Variants in KCNK2 observed in about 807,000 individuals in gnomAD.
KCNK2 encodes potassium channel subfamily K member 2.
A neutral mutation model predicts 40.5 loss-of-function variants in KCNK2; 21 were observed. The ratio of observed to expected loss-of-function variants is 0.52; its 90% CI spans 0.37 to 0.75. The LOEUF (loss-of-function observed/expected upper bound fraction) is 0.75. Ranked by LOEUF, KCNK2 falls within the 30% of genes least tolerant of loss-of-function variation. KCNK2 has a pLI of 0.00. For synonymous variants in KCNK2, 191 were observed against 202.2 expected, an observed-to-expected ratio of 0.94 and a Z score of 0.47; for missense variants, 399 against 531.6, an observed-to-expected ratio of 0.75 and a Z score of 2.45.
intron 6 of KCNK2, among the ~76,000 whole-genome samples, chr1:215,199,467 A>G (rs1664995460): frequency 6.6e-6 from 1 of 152,260 alleles, no homozygotes; most frequent in African/African-American, 2.4e-5. Context: ...TTGTTGAAAC[A>G]TACTATATAT....
At chr1:215,084,221 C>CTT (rs71167806) in intron 1 of KCNK2, among the ~76,000 whole-genome samples, 78,881 of 145,298 alleles carry the variant, frequency 0.54, 22,532 homozygotes, top group South Asian at 0.83. Flanking sequence ...CACACACACT[C>CTT]TTAAAAATAC....
rs775390306 is a variant in KCNK2 at position 215,230,502 on chromosome 1, C to T, written c.964-4326C>T. On this transcript the variant is annotated intron_variant, in intron 6 of 6. Transcript: ENST00000444842. ...ATACACACACACACACACACACACA[C>T]GGCTGTATATATATATATATATATA... 5.0e-3 allele frequency among the ~76,000 whole-genome samples: 418 copies of T among 82,830 alleles called. 2 individuals are homozygous for T. The highest frequency in any genetic ancestry group is 7.0e-3 in the Admixed American group (47 of 6,676). 54.3% of individuals were successfully genotyped at this position (82,830 alleles called of 152,430 possible).
At chr1:215,115,485 C>T (rs575809202) in intron 2 of KCNK2, among the ~76,000 whole-genome samples, 4 of 152,178 alleles carry the variant, frequency 2.6e-5, no homozygotes, top group Admixed American at 6.6e-5. Flanking sequence ...TAGTGTAGCA[C>T]GCCTTGGGCA....
Position 215,153,771 on chromosome 1 carries a change from T to A in KCNK2, c.476-15428T>A, listed in dbSNP as rs61818338. On this transcript the variant is annotated intron_variant, in intron 3 of 6. Transcript: ENST00000444842. The stretch of plus-strand genomic sequence containing the variant: ...TCACTCCCCACCCTCCAACAGGCCC[T>A]GGTGTGTGCTGTTCCCCTCCCCGTG... Among the ~76,000 whole-genome samples the A allele has an allele frequency of 9.6e-3, 1,463 of 151,740 alleles. 23 individuals are homozygous for A. The highest frequency in any genetic ancestry group is 0.06 in the South Asian group (289 of 4,780).
intron 1 of KCNK2, among the ~76,000 whole-genome samples, chr1:215,058,774 A>T (rs563377675): frequency 6.6e-6 from 1 of 151,848 alleles, no homozygotes; most frequent in African/African-American, 2.4e-5. Context: ...GTTTTTCTCT[A>T]TGTTTCTTGA....
At chr1:215,134,362 C>T (rs12134808) in intron 3 of KCNK2, among the ~76,000 whole-genome samples, 12,517 of 152,170 alleles carry the variant, frequency 0.082, 567 homozygotes, top group Middle Eastern at 0.15. Flanking sequence ...GAGCAGCTCA[C>T]AGAACTCAGG....
rs1571763412 is a variant in KCNK2 at position 215,235,344 on chromosome 1, GGTC to G, written c.*200_*202del. On this transcript the variant is annotated 3_prime_UTR_variant, in exon 7 of 7. Transcript: ENST00000444842. The stretch of plus-strand genomic sequence containing the variant: ...TTCTTTCTGATGATGCTTGTTGAAC[GGTC>G]CACTTTCTTTGATGAGTGGAATGAC... The G allele has an allele frequency of 1.9e-6, 1 of 514,650 alleles. No homozygotes were observed. The highest frequency in any genetic ancestry group is 3.0e-5 in the East Asian group (1 of 33,842). The allele number at this position is 514,650 out of a possible 1,614,324, so 31.9% of individuals were successfully genotyped here.
intron 3 of KCNK2, among the ~76,000 whole-genome samples, chr1:215,130,985 C>G (rs955302822): frequency 6.6e-6 from 1 of 151,146 alleles, no homozygotes; most frequent in Admixed American, 6.6e-5. Context: ...CTCAGCCTCC[C>G]GAGTAGCTGG....
intron 1 of KCNK2, among the ~76,000 whole-genome samples, chr1:215,011,955 CTTG>C (rs1026607409): frequency 1.5e-4 from 23 of 152,102 alleles, no homozygotes; most frequent in Admixed American, 2.0e-4. Context: ...ATTCATCCTT[CTTG>C]TTGTTGTTGT....
chr1:215,220,886 T>C (rs6689975), intron 6 of KCNK2, among the ~76,000 whole-genome samples: 3,382 of 152,252 alleles, frequency 0.022, 121 homozygotes, highest in African/African-American at 0.078. Flanking sequence ...CTTAAGAACT[T>C]GAACAACAAA....
At chr1:215,123,440 A>C (rs929941650) in intron 2 of KCNK2, among the ~76,000 whole-genome samples, 4 of 151,996 alleles carry the variant, frequency 2.6e-5, no homozygotes, top group African/African-American at 7.2e-5. Flanking sequence ...TCACTGTTAA[A>C]GTAAATAAAA....
intron 1 of KCNK2, among the ~76,000 whole-genome samples, chr1:215,048,266 C>T (rs1464139823): frequency 1.3e-5 from 2 of 152,126 alleles, no homozygotes; most frequent in African/African-American, 4.8e-5. Context: ...GACTCTAAGT[C>T]ATCAGTTCAG....
exon 1 of KCNK2, chr1:215,005,918 C>A: frequency 1.2e-6 from 2 of 1,612,874 alleles, no homozygotes; most frequent in Non-Finnish European, 8.5e-7. Context: ...GAAAACATCA[C>A]CAAATGATGA....
At chr1:215,115,277 T>C (rs1374181216) in intron 2 of KCNK2, among the ~76,000 whole-genome samples, 3 of 152,098 alleles carry the variant, frequency 2.0e-5, no homozygotes, top group Non-Finnish European at 2.9e-5. Context: ...AACTATAGGC[T>C]TAAGTGCATT....
intron 5 of KCNK2, among the ~76,000 whole-genome samples, chr1:215,178,035 G>T (rs1231646798): frequency 2.0e-5 from 3 of 151,818 alleles, no homozygotes; most frequent in Non-Finnish European, 4.4e-5. Context: ...TATTTTTTGT[G>T]TTACCTATAA....
At chr1:215,096,844 C>T (rs1473923186) in intron 2 of KCNK2, among the ~76,000 whole-genome samples, 1 of 151,904 alleles carries the variant, frequency 6.6e-6, no homozygotes, top group Non-Finnish European at 1.5e-5. Flanking sequence ...CCACGATGTT[C>T]GGAACTGCAT....
At chr1:215,008,235 T>A (rs956371624) in intron 1 of KCNK2, among the ~76,000 whole-genome samples, 1 of 151,962 alleles carries the variant, frequency 6.6e-6, no homozygotes, top group African/African-American at 2.4e-5. Context: ...TAGGTTTAGA[T>A]CCTCCCACAA....
At position 215,017,158 on chromosome 1, in the gene KCNK2, C is replaced by T. The variant is rs72760702; in HGVS notation, c.34+11203C>T. ...CTGTTGGAGGGAATGTGTATAAGTA[C>T]AGCCCTTTTGGAAACAGTATTGTGG... On this transcript the variant is annotated intron_variant, in intron 1 of 6. Transcript: ENST00000391895. Among the ~76,000 whole-genome samples, 564 of 152,232 alleles carry T rather than the reference C, an allele frequency of 3.7e-3. 3 individuals carry two copies. The highest frequency in any genetic ancestry group is 0.014 in the Middle Eastern group (4 of 294).
intron 3 of KCNK2, among the ~76,000 whole-genome samples, chr1:215,142,930 C>T (rs1048706861): frequency 5.3e-5 from 8 of 151,962 alleles, no homozygotes; most frequent in African/African-American, 1.9e-4. Flanking sequence ...AGGTAGTCAT[C>T]ATAGCTGTGA....
Sources: gnomAD v4.1 joint callset for allele counts (sites outside exome capture counted in the v4.1 genomes callset) on GRCh38, gnomAD v4.1.1 for gene constraint, MANE v1.5 for transcripts, NCBI Gene and HGNC (gene_info 2026-07-23, HGNC 2026-07-21) for gene names.